The following C1QTNF3 variants were observed in gnomAD, a reference collection of about 807,000 sequenced individuals.
C1QTNF3 encodes the protein complement C1q tumor necrosis factor-related protein 3.
Under a neutral mutation model 32.6 loss-of-function variants are expected in C1QTNF3, and 26 were observed. The observed-to-expected ratio is 0.80, with a 90% CI of 0.58 to 1.11. C1QTNF3 has a LOEUF of 1.11. Among genes scored for constraint, C1QTNF3 ranks in the 50% least tolerant of loss-of-function variants. C1QTNF3 has a pLI of 0.00. For synonymous variants in C1QTNF3, 155 were observed against 146.0 expected (o/e 1.06, Z -0.44); for missense variants, 362 against 398.2 (o/e 0.91, Z 0.77).
the C1QTNF3 span, among the ~76,000 whole-genome samples, chr5:34,111,947 A>T: frequency 0.014 from 2,193 of 152,320 alleles, 53 homozygotes; most frequent in African/African-American, 0.051. Flanking sequence ...AGGGAGGCTG[A>T]GAAGTACAGT....
the C1QTNF3 span, among the ~76,000 whole-genome samples, chr5:34,135,241 C>A: frequency 2.0e-5 from 3 of 152,170 alleles, no homozygotes; most frequent in African/African-American, 7.2e-5. Context: ...GTATGTTGAA[C>A]CAGCCTTGCA....
chr5:34,160,272 A>T, the C1QTNF3 span, among the ~76,000 whole-genome samples: 5 of 152,308 alleles, frequency 3.3e-5, no homozygotes, highest in African/African-American at 1.2e-4. Context: ...AACTCCTACC[A>T]TCCCGTTTTT....
chr5:34,194,915 T>C, the C1QTNF3 span, among the ~76,000 whole-genome samples: 2 of 148,414 alleles, frequency 1.3e-5, no homozygotes, highest in Non-Finnish European at 3.0e-5. Context: ...TACTATATTG[T>C]GTAAGGAATA....
chr5:34,139,070 G>C, the C1QTNF3 span, among the ~76,000 whole-genome samples: 17 of 151,992 alleles, frequency 1.1e-4, 1 homozygote, highest in African/African-American at 4.1e-4. Flanking sequence ...TAGACATATT[G>C]TATGTATCTA....
chr5:34,085,549 G>C, the C1QTNF3 span, among the ~76,000 whole-genome samples: 1 of 151,392 alleles, frequency 6.6e-6, no homozygotes, highest in African/African-American at 2.5e-5. Context: ...TGCTGTTTTG[G>C]TTACTGTAGA....
At chr5:34,046,696 G>T (rs1754991098), upstream of C1QTNF3, among the ~76,000 whole-genome samples, 1 of 152,156 alleles carries the variant, frequency 6.6e-6, no homozygotes, top group Admixed American at 6.5e-5. Context: ...GTAGCATTTT[G>T]CTATGTCAGT....
chr5:34,107,959 T>C, the C1QTNF3 span, among the ~76,000 whole-genome samples: 1 of 151,870 alleles, frequency 6.6e-6, no homozygotes, highest in South Asian at 2.1e-4. Context: ...CTACTAAGAT[T>C]TATCATTTGC....
the C1QTNF3 span, among the ~76,000 whole-genome samples, chr5:34,115,921 T>C: frequency 6.6e-6 from 1 of 152,302 alleles, no homozygotes; most frequent in African/African-American, 2.4e-5. Context: ...TTTTAATTTA[T>C]TTCTATAAAT....
At chr5:34,044,773 C>T (rs1039727468), upstream of C1QTNF3, among the ~76,000 whole-genome samples, 1 of 152,180 alleles carries the variant, frequency 6.6e-6, no homozygotes, top group Non-Finnish European at 1.5e-5. Flanking sequence ...CCTAGTAGGG[C>T]ATAAAAATTC....
the C1QTNF3 span, among the ~76,000 whole-genome samples, chr5:34,225,386 T>C: frequency 1.3e-5 from 2 of 152,082 alleles, no homozygotes; most frequent in East Asian, 1.9e-4. Flanking sequence ...GAATTCGTTT[T>C]AGTGTATTTT....
chr5:34,134,803 C>T, the C1QTNF3 span, among the ~76,000 whole-genome samples: 8 of 152,146 alleles, frequency 5.3e-5, no homozygotes, highest in Non-Finnish European at 5.9e-5. Flanking sequence ...AGTTGCTTAT[C>T]AACTTAAGGA....
the C1QTNF3 span, among the ~76,000 whole-genome samples, chr5:34,209,531 T>G: frequency 6.6e-6 from 1 of 151,630 alleles, no homozygotes; most frequent in Non-Finnish European, 1.5e-5. Context: ...AAAATAGAAA[T>G]AATCTGAATA....
At chr5:34,157,314 T>C in the C1QTNF3 span, among the ~76,000 whole-genome samples, 1 of 152,178 alleles carries the variant, frequency 6.6e-6, no homozygotes, top group East Asian at 1.9e-4. Context: ...CTAATCATGA[T>C]TAAATAATCA....
chr5:34,078,079 T>C, the C1QTNF3 span, among the ~76,000 whole-genome samples: 2 of 151,500 alleles, frequency 1.3e-5, no homozygotes, highest in African/African-American at 2.4e-5. This position sits in a 1 kb window ranked among gnomAD's most constrained non-coding sequence, Gnocchi z 4.0. Context: ...AATGTAAAGA[T>C]AAATGCTTTA....
the C1QTNF3 span, among the ~76,000 whole-genome samples, chr5:34,177,959 C>A: frequency 8.5e-5 from 13 of 152,070 alleles, no homozygotes; most frequent in African/African-American, 3.1e-4. Context: ...TAGACCCTCT[C>A]GAGTTTCTTA....
At chr5:34,027,806 T>C (rs1247939378) in intron 4 of C1QTNF3, among the ~76,000 whole-genome samples, 1 of 144,746 alleles carries the variant, frequency 6.9e-6, no homozygotes, top group Non-Finnish European at 1.5e-5. Flanking sequence ...TCATTAAATA[T>C]ACTTTGGTAC....
chr5:34,155,522 A>G, the C1QTNF3 span, among the ~76,000 whole-genome samples: 2 of 152,336 alleles, frequency 1.3e-5, no homozygotes, highest in South Asian at 4.1e-4. Context: ...ATATCAGAGT[A>G]TCTGTGGAAG....
chr5:34,025,213 G>A (rs1018047563), intron 4 of C1QTNF3, among the ~76,000 whole-genome samples: 1 of 152,110 alleles, frequency 6.6e-6, no homozygotes, highest in Non-Finnish European at 1.5e-5. Context: ...AAGCCTCAAG[G>A]AAAATAGTTT....
chr5:34,234,942 G>A, the C1QTNF3 span, among the ~76,000 whole-genome samples: 1 of 152,038 alleles, frequency 6.6e-6, no homozygotes, highest in Admixed American at 6.5e-5. Flanking sequence ...TTGCCCAGTA[G>A]TTATGTGGAA....
Sources: gnomAD v4.1 joint callset for allele counts (sites outside exome capture counted in the v4.1 genomes callset) on GRCh38, gnomAD v4.1.1 for gene constraint, Gnocchi (gnomAD v3.1) non-coding constraint, MANE v1.5 for transcripts, NCBI Gene and HGNC (gene_info 2026-07-23, HGNC 2026-07-21) for gene names.